The following VDAC3 variants were observed in gnomAD, a reference collection of about 807,000 sequenced individuals.
VDAC3 encodes the protein voltage dependent anion channel 3, also known as non-selective voltage-gated ion channel VDAC3.
VDAC3 carries 7 observed loss-of-function variants against 33.9 expected under a neutral mutation model. The observed-to-expected ratio is 0.21, with a 90% CI of 0.12 to 0.39. The LOEUF (loss-of-function observed/expected upper bound fraction) is 0.39, where lower values mean the gene tolerates loss of function less well. Among genes scored for constraint, VDAC3 ranks in the 10% least tolerant of loss-of-function variants. VDAC3 has a pLI of 1.00. For synonymous variants in VDAC3, 100 were observed against 122.4 expected, an observed-to-expected ratio of 0.82 and a Z score of 1.21; for missense variants, 261 against 334.5, an observed-to-expected ratio of 0.78 and a Z score of 1.71.
Position 42,398,695 on chromosome 8 carries a change from T to A in VDAC3, c.118-17T>A. On this transcript the variant is annotated splice_polypyrimidine_tract_variant and intron_variant, in intron 4 of 9. Transcript: ENST00000022615. ...GATGAGCTAATTTTAAAGTAATTAT[T>A]TTTTCTTGCTTACCAGGAATTTTCT... The A allele has an allele frequency of 2.5e-6, 4 of 1,600,808 alleles. No homozygotes were observed. Among genetic ancestry groups the A allele is most frequent in the Non-Finnish European group, 3.4e-6 (4 of 1,176,298 alleles).
rs1335823561 is a variant in VDAC3 at position 42,399,638 on chromosome 8, CTTTG to C, written c.271-9_271-6del. 2 of 1,604,402 alleles carry C rather than the reference CTTTG, an allele frequency of 1.2e-6. No individual in the cohort carries two copies. The highest frequency in any genetic ancestry group is 1.7e-5 in the Admixed American group (1 of 59,710). On this transcript the variant is annotated splice_polypyrimidine_tract_variant and intron_variant, in intron 5 of 9. Coordinates refer to ENST00000022615, the MANE Select transcript of VDAC3 (RefSeq NM_005662.7). The stretch of plus-strand genomic sequence containing the variant: ...AAATTACTAATTATTTATTTTAAAT[CTTTG>C]TTTTTCAGTTGGCTGAAGGGTTGAA...
rs991216227 is a variant in VDAC3 at position 42,404,581 on chromosome 8, G to T, written c.703-286G>T. 2.0e-5 allele frequency among the ~76,000 whole-genome samples: 3 copies of T among 152,168 alleles called. No individual in the cohort carries two copies. In the East Asian group the frequency reaches 5.8e-4, roughly 29 times the overall value. ...CTACTAAAAATACAAAATTAGCCGG[G>T]CATGGGGGCGCATGCCTGTAATCCC... On this transcript the variant is annotated intron_variant, in intron 8 of 9. Transcript: ENST00000022615.
At chr8:42,400,722 G>A (rs1802402093) in intron 6 of VDAC3, among the ~76,000 whole-genome samples, 1 of 119,514 alleles carries the variant, frequency 8.4e-6, no homozygotes, top group Non-Finnish European at 1.6e-5. Context: ...CTGGAGTATA[G>A]TGGCACTATC....
chr8:42,398,680 T>A lies in VDAC3; in HGVS notation c.118-32T>A, dbSNP rs765038538. The A allele has an allele frequency of 5.0e-6, 8 of 1,598,822 alleles. No homozygotes were observed. The East Asian group carries it at 1.6e-4, about 31-fold the overall frequency. ...GAATATTTTCTATTTGATGAGCTAA[T>A]TTTAAAGTAATTATTTTTTCTTGCT... is the stretch of plus-strand genomic sequence containing the variant. On this transcript the variant is annotated intron_variant, in intron 4 of 9. Coordinates refer to ENST00000022615, the MANE Select transcript of VDAC3 (RefSeq NM_005662.7).
intron 5 of VDAC3, 25 bp from the exon 6 acceptor site, chr8:42,399,626 T>C (rs201377047): frequency 6.3e-7 from 1 of 1,593,966 alleles, no homozygotes; most frequent in Non-Finnish European, 8.6e-7. Flanking sequence ...TTACTAATTA[T>C]TTATTTTAAA....
intron 5 of VDAC3, 89 bp downstream of exon 5, chr8:42,398,953 C>A: frequency 6.8e-7 from 1 of 1,467,468 alleles, no homozygotes; most frequent in Admixed American, 2.0e-5. Flanking sequence ...CAAAAGAGAT[C>A]TTACAACCTA....
intron 7 of VDAC3, 161 bp from the exon 8 acceptor site, chr8:42,403,150 A>T: frequency 1.4e-6 from 1 of 716,936 alleles, no homozygotes; most frequent in Non-Finnish European, 2.3e-6. Flanking sequence ...AGCTGGATTT[A>T]GTTCTGTGTT....
intron 7 of VDAC3, among the ~76,000 whole-genome samples, chr8:42,402,540 T>C (rs971728594): frequency 2.6e-5 from 4 of 152,246 alleles, no homozygotes; most frequent in African/African-American, 9.6e-5. Context: ...GATTCAGTTA[T>C]GTAGGCTGCA....
In VDAC3 at chr8:42,405,631, G is replaced by C. The variant is rs1802487641; in HGVS notation, c.*169G>C. On this transcript the variant is annotated 3_prime_UTR_variant, in exon 10 of 10. Coordinates refer to ENST00000022615, the MANE Select transcript of VDAC3 (RefSeq NM_005662.7). ...AGTCTAGGGGTTGCGAATCCCTCCTGAGGGAGATGCTTGAAGGCATGCCTG... is the reference window on the plus strand; with the variant it reads ...AGTCTAGGGGTTGCGAATCCCTCCTCAGGGAGATGCTTGAAGGCATGCCTG... 2 of 581,872 alleles carry C rather than the reference G, an allele frequency of 3.4e-6. No individual in the cohort carries two copies. The highest frequency in any genetic ancestry group is 6.1e-6 in the Non-Finnish European group (2 of 327,420). 36.0% of individuals were successfully genotyped at this position (581,872 alleles called of 1,614,324 possible).
chr8:42,399,505 C>A, intron 5 of VDAC3, 146 bp from the exon 6 acceptor site: 1 of 614,516 alleles, frequency 1.6e-6, no homozygotes, highest in Non-Finnish European at 2.8e-6. Flanking sequence ...GGATGGAGAG[C>A]TTACTTATTA....
Position 42,404,816 on chromosome 8 carries a change from A to ATTC in VDAC3, c.703-51_703-50insTTC, listed in dbSNP as rs113300804. On this transcript the variant is annotated intron_variant, in intron 8 of 9. Transcript: ENST00000022615. ...ATGCACAAAGTGATGGTTATATTGG[A>ATTC]CTGATCTGTAATTCACTGTTTTCTG... 2.7e-5 allele frequency: 40 copies of ATTC among 1,504,928 alleles called. 1 individual carries two copies. The highest frequency in any genetic ancestry group is 1.8e-4 in the African/African-American group (13 of 72,636). The allele number at this position is 1,504,928 out of a possible 1,614,324, so 93.2% of individuals were successfully genotyped here.
intron 4 of VDAC3, among the ~76,000 whole-genome samples, chr8:42,395,543 T>G (rs1025415713): frequency 2.0e-4 from 31 of 152,384 alleles, no homozygotes; most frequent in Admixed American, 5.9e-4. Context: ...GTAAATAAAA[T>G]GTATTTCTGC....
chr8:42,396,509 C>T (rs1802320794), intron 4 of VDAC3: 2 of 542,868 alleles, frequency 3.7e-6, no homozygotes, highest in South Asian at 2.8e-5. Context: ...TATATATGCA[C>T]CTCCCTTACT....
chr8:42,393,733 G>A, intron 1 of VDAC3, 112 bp from the exon 2 acceptor site: 3 of 398,244 alleles, frequency 7.5e-6, no homozygotes, highest in Non-Finnish European at 1.3e-5. Context: ...AATTCGTATG[G>A]TAAATTCTTA....
In VDAC3 at chr8:42,405,577, C is replaced by A; in HGVS notation, c.*115C>A. 1 of 889,216 alleles carries A rather than the reference C, an allele frequency of 1.1e-6. No homozygotes were observed. Among genetic ancestry groups the A allele is most frequent in the Non-Finnish European group, 1.8e-6 (1 of 568,586 alleles). 55.1% of individuals were successfully genotyped at this position (889,216 alleles called of 1,614,324 possible). ...TCAAAAGTGTGAACTTTTTATTCTT[C>A]CAAAGAATTGTAATCCTCCCCACAC... On this transcript the variant is annotated 3_prime_UTR_variant, in exon 10 of 10. Coordinates refer to ENST00000022615, the MANE Select transcript of VDAC3 (RefSeq NM_005662.7).
chr8:42,397,597 C>A (rs370450121), intron 4 of VDAC3: 2 of 152,310 alleles, frequency 1.3e-5, no homozygotes, highest in East Asian at 1.9e-4. Flanking sequence ...AGGTCCATTT[C>A]TAATTGCTTA....
rs1025769450 is a variant in VDAC3 at position 42,405,294 on chromosome 8, C to T, written c.761-77C>T. The T allele has an allele frequency of 4.2e-6, 5 of 1,204,064 alleles. No homozygotes were observed. In the African/African-American group the frequency reaches 7.5e-5, roughly 18 times the overall value. 74.6% of individuals were successfully genotyped at this position (1,204,064 alleles called of 1,614,324 possible). ...CCAGCTACAATCCACACCATTGATT[C>T]CATCTGTTGTTTCTAGAAAGTTCAG... is the stretch of plus-strand genomic sequence containing the variant. On this transcript the variant is annotated intron_variant, in intron 9 of 9. Coordinates refer to ENST00000022615, the MANE Select transcript of VDAC3 (RefSeq NM_005662.7).
At chr8:42,396,701 CGTATGCTT>C in intron 4 of VDAC3, 1 of 686,392 alleles carries the variant, frequency 1.5e-6, no homozygotes, top group South Asian at 1.6e-5. Flanking sequence ...AAAGCTTATT[CGTATGCTT>C]GTTTTTATGG....
intron 6 of VDAC3, among the ~76,000 whole-genome samples, chr8:42,401,342 G>A (rs1041873742): frequency 3.9e-5 from 6 of 151,908 alleles, no homozygotes; most frequent in East Asian, 3.9e-4. Context: ...GACTACAGGC[G>A]TGTGCCACCA....
Sources: allele counts gnomAD v4.1 joint callset (sites outside exome capture counted in the v4.1 genomes callset), GRCh38; gene constraint gnomAD v4.1.1; transcripts MANE v1.5; gene names NCBI Gene and HGNC (gene_info 2026-07-23, HGNC 2026-07-21).